Variants in CARS2 observed in about 807,000 individuals in gnomAD.
CARS2 encodes the protein cysteinyl-tRNA synthetase 2, mitochondrial, also known as probable cysteine--tRNA ligase, mitochondrial.
A neutral mutation model predicts 68.8 loss-of-function variants in CARS2; 52 were observed. That is an observed-to-expected ratio of 0.76 (90% CI 0.61 to 0.95). The LOEUF (loss-of-function observed/expected upper bound fraction) is 0.95. CARS2 is among the 40% of genes least tolerant of loss of function. CARS2 has a pLI of 0.00. For missense variants in CARS2, 780 were observed against 754.2 expected (o/e 1.03, Z -0.40); for synonymous variants, 314 against 303.6 (o/e 1.03, Z -0.36).
intron 7 of CARS2, among the ~76,000 whole-genome samples, chr13:110,675,257 A>C (rs1283158981): frequency 6.6e-6 from 1 of 152,216 alleles, no homozygotes; most frequent in Non-Finnish European, 1.5e-5. Context: ...ACACATGCAC[A>C]CGTATGTTTA....
rs2062964519 is a variant in CARS2 at position 110,676,850 on chromosome 13, C to T, written c.785+124G>A. 7.8e-7 allele frequency: 1 copy of T among 1,279,250 alleles called. No homozygotes were observed. Among genetic ancestry groups the T allele is most frequent in the East Asian group, 2.7e-5 (1 of 37,160 alleles). The allele number at this position is 1,279,250 out of a possible 1,614,324, so 79.2% of individuals were successfully genotyped here. A position where few individuals can be genotyped will look rare whatever the true frequency, so the allele number is the denominator to read the frequency against. On this transcript the variant is annotated intron_variant, in intron 7 of 14. Transcript: ENST00000257347. This position sits in a 1 kb window ranked among gnomAD's most constrained non-coding sequence, Gnocchi z 4.0. Reference sequence around the variant, plus strand: ...CGTCACACTCCGGCAAAAATCTCTTCCCAAAAAATCACCCATGGGCACACG... The same window carrying T: ...CGTCACACTCCGGCAAAAATCTCTTTCCAAAAAATCACCCATGGGCACACG...
chr13:110,657,575 A>G (rs753578672), intron 9 of CARS2, among the ~76,000 whole-genome samples: 1 of 152,222 alleles, frequency 6.6e-6, no homozygotes, highest in Non-Finnish European at 1.5e-5. Flanking sequence ...AATAAATATA[A>G]ATCACTGACT....
rs72661683 is a variant in CARS2, at chr13:110,668,725, G to T, written c.786-1252C>A. On this transcript the variant is annotated intron_variant, in intron 7 of 14. Transcript: ENST00000257347. This position sits in a 1 kb window ranked among gnomAD's most constrained non-coding sequence, Gnocchi z 4.1. ...GAAGATCTGAAGCCAACACAACGAC[G>T]TGAAAGTTTCACAAGCTGAACTATG... Among the ~76,000 whole-genome samples, 1 of 151,960 alleles carries T rather than the reference G, an allele frequency of 6.6e-6. No individual in the cohort carries two copies. Among genetic ancestry groups the T allele is most frequent in the Non-Finnish European group, 1.5e-5 (1 of 67,996 alleles).
chr13:110,646,024 A>G lies in CARS2; in HGVS notation c.1260T>C (p.Val420=). ...GGTGTGCAAGGCCCAGGATGGCATC[A>G]ACCACCCTGGGTGTGTCAAAATCAT... is the stretch of plus-strand genomic sequence containing the variant. The part of the protein sequence containing the change: ...LADDFDTPRV[V]DAILGLAHHG... The change falls in exon 12 of 15, where the codon GTT becomes GTC. Residue 420 remains valine, a synonymous_variant. Transcript: ENST00000257347. 7.4e-6 allele frequency: 12 copies of G among 1,613,822 alleles called. No individual in the cohort carries two copies. Among genetic ancestry groups the G allele is most frequent in the Non-Finnish European group, 1.0e-5 (12 of 1,179,892 alleles).
intron 5 of CARS2, 145 bp from the exon 6 acceptor site, chr13:110,683,279 T>C (rs910281972): frequency 6.1e-6 from 3 of 491,278 alleles, no homozygotes; most frequent in East Asian, 3.6e-5. Flanking sequence ...TATATTTTTA[T>C]AGACAGGGTC....
Position 110,665,607 on chromosome 13 carries a change from G to A in CARS2, c.919+1733C>T. 1 of 985,382 alleles carries A rather than the reference G, an allele frequency of 1.0e-6. No homozygotes were observed. Among genetic ancestry groups the A allele is most frequent in the Non-Finnish European group, 1.2e-6 (1 of 829,944 alleles). The allele number at this position is 985,382 out of a possible 1,614,324, so 61.0% of individuals were successfully genotyped here. ...CACACTCGCAGAAGGGCTCACAGCA[G>A]GTCATGGTTGTCAGTAACAAACCCT... On this transcript the variant is annotated intron_variant, in intron 8 of 14. Coordinates refer to ENST00000257347, the MANE Select transcript of CARS2 (RefSeq NM_024537.4). The surrounding 1 kb of genome is among the most constrained non-coding windows in gnomAD (Gnocchi z 4.3).
At position 110,683,353 on chromosome 13, in the gene CARS2, G is replaced by A. The variant is rs926272440; in HGVS notation, c.572-219C>T. ...AGCTCACGATAGCCTTGAACTCCTT[G>A]GCTCAGGCAGTCTTCCCACCTCAAC... is the stretch of plus-strand genomic sequence containing the variant. On this transcript the variant is annotated intron_variant, in intron 5 of 14. Transcript: ENST00000257347. 2.6e-5 allele frequency among the ~76,000 whole-genome samples: 4 copies of A among 152,190 alleles called. No homozygotes were observed. The East Asian group carries it at 7.7e-4, about 29-fold the overall frequency.
At chr13:110,679,520 C>T (rs1448445686) in intron 6 of CARS2, among the ~76,000 whole-genome samples, 1 of 135,348 alleles carries the variant, frequency 7.4e-6, no homozygotes, top group African/African-American at 3.0e-5. Context: ...ACAAGAGTGA[C>T]ATTCTATCTC....
In CARS2 at chr13:110,676,737, A is replaced by G. The variant is rs1008565223; in HGVS notation, c.785+237T>C. On this transcript the variant is annotated intron_variant, in intron 7 of 14. Coordinates refer to ENST00000257347, the MANE Select transcript of CARS2 (RefSeq NM_024537.4). The surrounding 1 kb of genome is among the most constrained non-coding windows in gnomAD (Gnocchi z 4.0). ...AACAGGGCAGCTGCAAGTGTGAACC[A>G]AAAAGCAGCCTCTCCACTAAACAGA... Among the ~76,000 whole-genome samples, 1 of 152,186 alleles carries G rather than the reference A, an allele frequency of 6.6e-6. No homozygotes were observed. The highest frequency in any genetic ancestry group is 1.5e-5 in the Non-Finnish European group (1 of 68,012).
intron 3 of CARS2, among the ~76,000 whole-genome samples, chr13:110,701,073 CT>C (rs374928372): frequency 3.5e-4 from 51 of 146,948 alleles, no homozygotes; most frequent in East Asian, 4.0e-4. Context: ...TTTCTTTTTT[CT>C]TTTTTTTTTT....
chr13:110,713,450 G>T, exon 1 of CARS2: 1 of 992,472 alleles, frequency 1.0e-6, no homozygotes, highest in Non-Finnish European at 1.2e-6. Flanking sequence ...AGTAAAGTTT[G>T]CGCCTCGCCC....
Position 110,675,851 on chromosome 13 carries a change from A to C in CARS2, c.785+1123T>G, listed in dbSNP as rs115087505. On this transcript the variant is annotated intron_variant, in intron 7 of 14. Coordinates refer to ENST00000257347, the MANE Select transcript of CARS2 (RefSeq NM_024537.4). Reference sequence around the variant, plus strand: ...AGAGGGTCAGGCCACACAAACCAGCACCACGGTAACAAACTAACCGTGGGC... The same window carrying C: ...AGAGGGTCAGGCCACACAAACCAGCCCCACGGTAACAAACTAACCGTGGGC... Among the ~76,000 whole-genome samples, 937 of 152,346 alleles carry C rather than the reference A, an allele frequency of 6.2e-3. 8 individuals are homozygous for C. The highest frequency in any genetic ancestry group is 0.021 in the African/African-American group (867 of 41,574).
chr13:110,712,986 C>T lies in CARS2; in HGVS notation n.399+151G>A, dbSNP rs970233518. On this transcript the variant is annotated intron_variant and non_coding_transcript_variant, in intron 1 of 2. Coordinates refer to the CARS2 transcript ENST00000485188. Reference sequence around the variant, plus strand: ...GTCCGGCCGCGGAATGGGTAGGTCTCCCGCGCACTCTGCGGCCGCAGCTCA... The same window carrying T: ...GTCCGGCCGCGGAATGGGTAGGTCTTCCGCGCACTCTGCGGCCGCAGCTCA... 2.6e-6 allele frequency: 4 copies of T among 1,552,106 alleles called. No homozygotes were observed. In the East Asian group the frequency reaches 7.3e-5, roughly 28 times the overall value.
At chr13:110,699,762 C>T (rs9521904) in intron 3 of CARS2, among the ~76,000 whole-genome samples, 1,571 of 152,352 alleles carry the variant, frequency 0.01, 15 homozygotes, top group South Asian at 0.016. Context: ...AAAAGTCTTC[C>T]TCACCAGCAG....
chr13:110,671,259 T>C (rs2062796396), intron 7 of CARS2, among the ~76,000 whole-genome samples: 1 of 151,920 alleles, frequency 6.6e-6, no homozygotes, highest in African/African-American at 2.4e-5. Flanking sequence ...TGACACATAA[T>C]TGTCAGATTC....
intron 13 of CARS2, chr13:110,642,803 G>T (rs562110121): frequency 2.9e-6 from 2 of 682,974 alleles, no homozygotes; most frequent in South Asian, 1.5e-5. Context: ...ATGCCGCCCC[G>T]CCCTGAACAC....
rs529196099 is a variant in CARS2, at chr13:110,658,591, G to A, written c.987+4860C>T. On this transcript the variant is annotated intron_variant, in intron 9 of 14. Transcript: ENST00000257347. Reference sequence around the variant, plus strand: ...ACATATGAACCTTGATCAACTCCTCGTTTAAAAATAAAAGTATAAAACACA... The same window carrying A: ...ACATATGAACCTTGATCAACTCCTCATTTAAAAATAAAAGTATAAAACACA... Among the ~76,000 whole-genome samples, 13 of 152,070 alleles carry A rather than the reference G, an allele frequency of 8.5e-5. No homozygotes were observed. In the South Asian group the frequency reaches 1.7e-3, roughly 19 times the overall value.
At chr13:110,695,107 C>T (rs901413429) in intron 3 of CARS2, among the ~76,000 whole-genome samples, 22 of 152,000 alleles carry the variant, frequency 1.4e-4, no homozygotes, top group African/African-American at 5.3e-4. Context: ...ACTTAGAAGG[C>T]CCTGTCTCTT....
intron 12 of CARS2, 200 bp from the exon 13 acceptor site, chr13:110,644,683 T>G: frequency 1.1e-4 from 100 of 870,252 alleles, no homozygotes; most frequent in Non-Finnish European, 1.5e-4. Flanking sequence ...GAGGAATCTC[T>G]TGTGCCTCAG....
Sources: allele counts gnomAD v4.1 joint callset (sites outside exome capture counted in the v4.1 genomes callset), GRCh38; gene constraint gnomAD v4.1.1; non-coding constraint Gnocchi (gnomAD v3.1); transcripts MANE v1.5; gene names NCBI Gene and HGNC (gene_info 2026-07-23, HGNC 2026-07-21).